MAEL: variants seen among roughly 807,000 people sequenced by gnomAD.
MAEL encodes the protein maelstrom spermatogenic transposon silencer.
Under a neutral mutation model 62.0 loss-of-function variants are expected in MAEL, and 46 were observed. The ratio of observed to expected loss-of-function variants is 0.74; its 90% CI spans 0.59 to 0.95. The LOEUF (loss-of-function observed/expected upper bound fraction) is 0.95, where lower values mean the gene tolerates loss of function less well. Ranked by LOEUF, MAEL falls within the 40% of genes least tolerant of loss-of-function variation. MAEL has a pLI of 0.00. For missense variants in MAEL, 497 were observed against 526.8 expected, an observed-to-expected ratio of 0.94 and a Z score of 0.55; for synonymous variants, 172 against 175.5, an observed-to-expected ratio of 0.98 and a Z score of 0.16.
intron 5 of MAEL, among the ~76,000 whole-genome samples, chr1:167,000,925 T>A (rs2102088935): frequency 6.6e-6 from 1 of 152,266 alleles, no homozygotes; most frequent in Non-Finnish European, 1.5e-5. Context: ...GGAAAAGAAG[T>A]CATACGAAAA....
At position 167,020,883 on chromosome 1, in the gene MAEL, CT is replaced by C. The variant is rs532552421; in HGVS notation, c.1042-196del. Among the ~76,000 whole-genome samples, 625 of 152,154 alleles carry C rather than the reference CT, an allele frequency of 4.1e-3. 3 individuals carry two copies. Among genetic ancestry groups the C allele is most frequent in the Non-Finnish European group, 6.2e-3 (422 of 67,986 alleles). ...TCACTTTTAAAAAAAAAGGCAAACC[CT>C]TTTTTGCCCTATACTTCGTAATCTC... is the stretch of plus-strand genomic sequence containing the variant. On this transcript the variant is annotated intron_variant, in intron 10 of 11. Coordinates refer to ENST00000367872, the MANE Select transcript of MAEL (RefSeq NM_032858.3).
chr1:166,993,086 A>G (rs1664262591), intron 4 of MAEL, among the ~76,000 whole-genome samples: 2 of 152,286 alleles, frequency 1.3e-5, no homozygotes, highest in East Asian at 1.9e-4. Flanking sequence ...TGAACAATTC[A>G]TAGCCTGCTA....
intron 1 of MAEL, among the ~76,000 whole-genome samples, chr1:166,978,749 C>T (rs541812592): frequency 9.2e-5 from 14 of 152,300 alleles, no homozygotes; most frequent in African/African-American, 3.4e-4. Context: ...TCTGGTTAAG[C>T]TCCAGTTGTT....
chr1:166,997,738 A>AT (rs1047522790), intron 5 of MAEL, among the ~76,000 whole-genome samples: 35 of 152,020 alleles, frequency 2.3e-4, no homozygotes, highest in South Asian at 2.1e-4. Flanking sequence ...ATGTGTCGAT[A>AT]TTTTTTATCA....
chr1:167,009,066 TTG>T (rs1464942559), intron 8 of MAEL, among the ~76,000 whole-genome samples: 1 of 152,170 alleles, frequency 6.6e-6, no homozygotes, highest in African/African-American at 2.4e-5. Context: ...TCTACATTAA[TTG>T]TATTGTTTAC....
intron 5 of MAEL, 52 bp downstream of exon 5, chr1:166,994,121 G>A (rs758559150): frequency 9.6e-6 from 14 of 1,462,748 alleles, no homozygotes; most frequent in Non-Finnish European, 1.2e-5. Flanking sequence ...ATTCATACCT[G>A]GTTAGACTTA....
At position 166,992,763 on chromosome 1, in the gene MAEL, C is replaced by T; in HGVS notation, c.403C>T (p.Leu135Phe). The T allele has an allele frequency of 6.2e-7, 1 of 1,611,536 alleles. No homozygotes were observed. The highest frequency in any genetic ancestry group is 8.5e-7 in the Non-Finnish European group (1 of 1,179,048). Reference protein sequence around the residue: ...ELPPHCEQRFLPCEIGCVKYS... With the variant: ...ELPPHCEQRFFPCEIGCVKYS... The stretch of plus-strand genomic sequence containing the variant: ...ACCTCCTCATTGTGAACAGCGCTTC[C>T]TCCCTTGTGAAATTGGCTGTGTTAA... Residue 135 changes from leucine (L) to phenylalanine (F), a missense_variant, in exon 4 of 12, where the codon CTC becomes TTC. Coordinates refer to ENST00000367872, the MANE Select transcript of MAEL (RefSeq NM_032858.3).
rs1468916610 is a variant in MAEL at position 167,010,488 on chromosome 1, C to G, written c.845+5091C>G. 5.3e-5 allele frequency among the ~76,000 whole-genome samples: 8 copies of G among 152,096 alleles called. No individual in the cohort carries two copies. In the East Asian group the frequency reaches 1.5e-3, roughly 29 times the overall value. On this transcript the variant is annotated intron_variant, in intron 8 of 11. Transcript: ENST00000367872. ...TTAAAGAGAGTCTTGCTCTGTCACC[C>G]CAGCCGGAATACAGTGACACAATCA...
At chr1:167,016,099 A>G (rs1665377717) in intron 8 of MAEL, 123 bp from the exon 9 acceptor site, 1 of 817,182 alleles carries the variant, frequency 1.2e-6, no homozygotes, top group Non-Finnish European at 2.1e-6. Flanking sequence ...TTTGTGTTAA[A>G]TTTGAAGTTT....
At chr1:166,996,011 G>A (rs1378373917) in intron 5 of MAEL, among the ~76,000 whole-genome samples, 1 of 152,150 alleles carries the variant, frequency 6.6e-6, no homozygotes, top group African/African-American at 2.4e-5. Flanking sequence ...TGAGTACAAT[G>A]TTTCTCATTC....
At chr1:166,997,735 G>A (rs565084549) in intron 5 of MAEL, among the ~76,000 whole-genome samples, 7 of 152,038 alleles carry the variant, frequency 4.6e-5, no homozygotes, top group Non-Finnish European at 7.4e-5. Context: ...TAAATGTGTC[G>A]ATATTTTTTA....
At chr1:166,981,496 G>A (rs1011759805) in intron 1 of MAEL, among the ~76,000 whole-genome samples, 3 of 151,900 alleles carry the variant, frequency 2.0e-5, no homozygotes, top group East Asian at 1.9e-4. Flanking sequence ...TGTGTAGAGA[G>A]GGAGGGAGGG....
chr1:166,975,993 C>A (rs1433389715), intron 1 of MAEL, among the ~76,000 whole-genome samples: 1 of 150,478 alleles, frequency 6.6e-6, no homozygotes, highest in Non-Finnish European at 1.5e-5. Context: ...TTCTGCGGTA[C>A]CCCCGCCCCT....
In MAEL at chr1:167,003,679, A is replaced by C. The variant is rs536381602; in HGVS notation, c.524-501A>C. 1.3e-3 allele frequency among the ~76,000 whole-genome samples: 199 copies of C among 152,290 alleles called. 1 individual carries two copies. The highest frequency in any genetic ancestry group is 4.6e-3 in the African/African-American group (191 of 41,560). On this transcript the variant is annotated intron_variant, in intron 5 of 11. Transcript: ENST00000367872. ...CTAATCTTAACCCATTAATTCCTTAATGCTCTATGTGATCTTAATATCCTC... is the reference window on the plus strand; with the variant it reads ...CTAATCTTAACCCATTAATTCCTTACTGCTCTATGTGATCTTAATATCCTC...
intron 4 of MAEL, 94 bp downstream of exon 4, chr1:166,992,935 C>T: frequency 1.9e-6 from 2 of 1,030,538 alleles, no homozygotes; most frequent in Non-Finnish European, 2.7e-6. Flanking sequence ...TTCTTACAAG[C>T]TCATGTACAG....
At chr1:166,988,771 T>G (rs1433385177), upstream of MAEL, among the ~76,000 whole-genome samples, 1 of 152,242 alleles carries the variant, frequency 6.6e-6, no homozygotes, top group African/African-American at 2.4e-5. Flanking sequence ...ATTTTAAATC[T>G]CAACCTCTTC....
intron 8 of MAEL, among the ~76,000 whole-genome samples, chr1:167,011,332 TTTG>T (rs1452851599): frequency 1.3e-5 from 2 of 149,372 alleles, no homozygotes; most frequent in Non-Finnish European, 3.0e-5. Context: ...AGGTGTAGAT[TTTG>T]TTTTCCCCAC....
intron 8 of MAEL, 177 bp downstream of exon 8, chr1:167,005,574 T>TA: frequency 1.9e-6 from 1 of 515,648 alleles, no homozygotes; most frequent in Non-Finnish European, 3.3e-6. Context: ...TGTGTATCAC[T>TA]AAAAACAAAC....
intron 10 of MAEL, among the ~76,000 whole-genome samples, chr1:167,020,391 G>T (rs778663968): frequency 6.6e-5 from 10 of 151,934 alleles, no homozygotes; most frequent in Non-Finnish European, 1.5e-4. Context: ...CACTAAATGC[G>T]GCTGGAAAGG....
Sources: gnomAD v4.1 joint callset for allele counts (sites outside exome capture counted in the v4.1 genomes callset) on GRCh38, gnomAD v4.1.1 for gene constraint, MANE v1.5 for transcripts, NCBI Gene and HGNC (gene_info 2026-07-23, HGNC 2026-07-21) for gene names.